ASPRV1: variants seen among roughly 807,000 people sequenced by gnomAD.
The protein encoded by ASPRV1 is aspartic peptidase retroviral like 1, also known as retroviral-like aspartic protease 1.
A neutral mutation model predicts 11.0 loss-of-function variants in ASPRV1; 7 were observed. The ratio of observed to expected loss-of-function variants is 0.64; its 90% CI spans 0.36 to 1.20. The LOEUF (loss-of-function observed/expected upper bound fraction) is 1.20, where lower values mean the gene tolerates loss of function less well. Among genes scored for constraint, ASPRV1 ranks in the 50% most tolerant of loss-of-function variants. The probability of loss-of-function intolerance (pLI) is 0.02; values close to 1 mark genes in which losing one functional copy is unlikely to be tolerated. For missense variants in ASPRV1, 299 were observed against 320.0 expected, an observed-to-expected ratio of 0.93 and a Z score of 0.50; for synonymous variants, 136 against 138.4, an observed-to-expected ratio of 0.98 and a Z score of 0.12.
At chr2:70,060,715 C>T in the ASPRV1 span, among the ~76,000 whole-genome samples, 618 of 152,300 alleles carry the variant, frequency 4.1e-3, 8 homozygotes, top group East Asian at 0.021. Flanking sequence ...ACTTGGGAGG[C>T]TGAGGCAGAA....
the ASPRV1 span, among the ~76,000 whole-genome samples, chr2:70,065,857 AAAGGAAGGAAGG>A: frequency 0.016 from 1,835 of 116,626 alleles, 51 homozygotes; most frequent in African/African-American, 0.061. Context: ...AAGAAAAAGA[AAAGGAAGGAAGG>A]AAAGAAAAGA....
chr2:69,974,014 C>G, the ASPRV1 span, among the ~76,000 whole-genome samples: 6 of 152,112 alleles, frequency 3.9e-5, no homozygotes, highest in Admixed American at 3.9e-4. Flanking sequence ...AATAGATGTA[C>G]ATAATCTTAA....
At chr2:69,972,388 T>C in the ASPRV1 span, among the ~76,000 whole-genome samples, 1 of 123,546 alleles carries the variant, frequency 8.1e-6, no homozygotes, top group African/African-American at 3.1e-5. Flanking sequence ...GATGGAGTCT[T>C]GCTCTGTCGC....
downstream of ASPRV1, among the ~76,000 whole-genome samples, chr2:69,957,622 C>A (rs565204168): frequency 3.3e-5 from 5 of 151,912 alleles, no homozygotes; most frequent in African/African-American, 1.2e-4. Flanking sequence ...TTGCTCACTG[C>A]AGATTCTGGC....
At chr2:69,948,499 G>T in the ASPRV1 span, among the ~76,000 whole-genome samples, 1 of 152,206 alleles carries the variant, frequency 6.6e-6, no homozygotes, top group Admixed American at 6.5e-5. Context: ...ACAGAACCAG[G>T]ATCCAAAAGT....
At chr2:70,061,405 A>C in the ASPRV1 span, among the ~76,000 whole-genome samples, 2 of 151,756 alleles carry the variant, frequency 1.3e-5, no homozygotes, top group Non-Finnish European at 2.9e-5. Flanking sequence ...AAAAAAAAAA[A>C]AAAACAAAAA....
the ASPRV1 span, among the ~76,000 whole-genome samples, chr2:70,047,171 A>G: frequency 3.3e-5 from 5 of 152,298 alleles, no homozygotes; most frequent in African/African-American, 1.2e-4. Flanking sequence ...CAGCAAACAA[A>G]AGAGATGTGG....
chr2:70,061,259 G>A, the ASPRV1 span, among the ~76,000 whole-genome samples: 1 of 152,214 alleles, frequency 6.6e-6, no homozygotes, highest in African/African-American at 2.4e-5. Context: ...GCCGGGCATG[G>A]TGGCGCACGC....
chr2:69,996,259 G>A, the ASPRV1 span, among the ~76,000 whole-genome samples: 1 of 150,546 alleles, frequency 6.6e-6, no homozygotes, highest in South Asian at 2.1e-4. Flanking sequence ...GGGTGTGGTG[G>A]CACACACCTG....
chr2:70,083,961 C>T, the ASPRV1 span, among the ~76,000 whole-genome samples: 1 of 152,132 alleles, frequency 6.6e-6, no homozygotes, highest in Non-Finnish European at 1.5e-5. Context: ...CTTTGCCAGA[C>T]CACAGCATCA....
At chr2:69,936,547 C>G in the ASPRV1 span, among the ~76,000 whole-genome samples, 12 of 152,122 alleles carry the variant, frequency 7.9e-5, no homozygotes, top group Admixed American at 7.9e-4. Context: ...GGTTAGAAGC[C>G]TGCATTCATG....
chr2:69,936,315 C>T, the ASPRV1 span, among the ~76,000 whole-genome samples: 1 of 152,028 alleles, frequency 6.6e-6, no homozygotes, highest in Non-Finnish European at 1.5e-5. Flanking sequence ...TGTCTCAATC[C>T]TTAGACTATA....
At position 69,960,466 on chromosome 2, in the gene ASPRV1, T is replaced by C; in HGVS notation, c.*191A>G. The C allele has an allele frequency of 1.6e-6, 1 of 617,950 alleles. No individual in the cohort carries two copies. Among genetic ancestry groups the C allele is most frequent in the South Asian group, 2.1e-5 (1 of 47,928 alleles). The allele number at this position is 617,950 out of a possible 1,614,324, so 38.3% of individuals were successfully genotyped here. Reference sequence around the variant, plus strand: ...AAGCCAGCCTGCTCTCCCTCACCTGTGCCTGTTCAGTGGAAGCCTCCCCTA... The same window carrying C: ...AAGCCAGCCTGCTCTCCCTCACCTGCGCCTGTTCAGTGGAAGCCTCCCCTA... On this transcript the variant is annotated 3_prime_UTR_variant, in exon 1 of 1. Coordinates refer to ENST00000320256, the MANE Select transcript of ASPRV1 (RefSeq NM_152792.4).
downstream of ASPRV1, among the ~76,000 whole-genome samples, chr2:69,957,291 T>C (rs1230991438): frequency 1.3e-5 from 2 of 151,994 alleles, no homozygotes; most frequent in Non-Finnish European, 2.9e-5. Context: ...TATATATAGA[T>C]AGGAGAAAAG....
the ASPRV1 span, chr2:70,030,148 T>C: frequency 6.6e-6 from 1 of 152,212 alleles, no homozygotes; most frequent in Admixed American, 6.5e-5. Context: ...TTTCACTGAC[T>C]AGTAAACCAT....
the ASPRV1 span, among the ~76,000 whole-genome samples, chr2:70,037,547 C>T: frequency 3.3e-5 from 5 of 152,306 alleles, no homozygotes; most frequent in South Asian, 2.1e-4. Context: ...TGAGGCACTG[C>T]GCCTGGCTGA....
chr2:69,984,611 T>A, the ASPRV1 span, among the ~76,000 whole-genome samples: 2 of 3,404 alleles, frequency 5.9e-4, no homozygotes, highest in African/African-American at 1.1e-3. Context: ...CAGGTCCAGC[T>A]TTTTTTTTTT....
At chr2:70,077,905 C>T in the ASPRV1 span, among the ~76,000 whole-genome samples, 2 of 151,998 alleles carry the variant, frequency 1.3e-5, no homozygotes, top group East Asian at 3.9e-4. Flanking sequence ...TGGTGGCTCA[C>T]ACCTATAATC....
At chr2:70,050,541 C>A in the ASPRV1 span, 37 of 151,518 alleles carry the variant, frequency 2.4e-4, no homozygotes, top group Middle Eastern at 3.4e-3. Context: ...AATTTGCACA[C>A]AGAAAAAAAG....
Sources: allele counts gnomAD v4.1 joint callset (sites outside exome capture counted in the v4.1 genomes callset), GRCh38; gene constraint gnomAD v4.1.1; transcripts MANE v1.5; gene names NCBI Gene and HGNC (gene_info 2026-07-23, HGNC 2026-07-21).